LMBRD2: variants seen among roughly 807,000 people sequenced by gnomAD.
The protein encoded by LMBRD2 is LMBR1 domain containing 2.
Under a neutral mutation model 94.4 loss-of-function variants are expected in LMBRD2, and 55 were observed. That is an observed-to-expected ratio of 0.58 (90% CI 0.47 to 0.73). LMBRD2 has a LOEUF of 0.73. Among genes scored for constraint, LMBRD2 ranks in the 30% least tolerant of loss-of-function variants. The pLI is 0.00. For missense variants in LMBRD2, 640 were observed against 831.9 expected, an observed-to-expected ratio of 0.77 and a Z score of 2.84; for synonymous variants, 246 against 272.4, an observed-to-expected ratio of 0.90 and a Z score of 0.95.
intron 6 of LMBRD2, among the ~76,000 whole-genome samples, chr5:36,134,434 T>C (rs146147595): frequency 2.6e-5 from 4 of 152,282 alleles, no homozygotes; most frequent in Non-Finnish European, 4.4e-5. Flanking sequence ...TAACCTCCAG[T>C]ATCTTAACAT....
At chr5:36,128,447 T>A (rs1213570780) in intron 6 of LMBRD2, among the ~76,000 whole-genome samples, 1 of 152,120 alleles carries the variant, frequency 6.6e-6, no homozygotes, top group African/African-American at 2.4e-5. Context: ...CAGGGCCAAG[T>A]ACAGTGGCTC....
chr5:36,146,987 G>T (rs74599089), intron 1 of LMBRD2, among the ~76,000 whole-genome samples: 2,975 of 147,104 alleles, frequency 0.02, 101 homozygotes, highest in African/African-American at 0.071. Context: ...TGTGTCTGTG[G>T]TCCTGAATAT....
At chr5:36,130,340 T>A (rs1744123190) in intron 6 of LMBRD2, among the ~76,000 whole-genome samples, 1 of 152,120 alleles carries the variant, frequency 6.6e-6, no homozygotes, top group Non-Finnish European at 1.5e-5. Context: ...ATTTTTGCAA[T>A]CAATGTCAAG....
intron 1 of LMBRD2, among the ~76,000 whole-genome samples, chr5:36,145,888 T>C (rs1309351241): frequency 1.3e-5 from 2 of 152,172 alleles, no homozygotes; most frequent in Non-Finnish European, 2.9e-5. Context: ...CAATTGAAAA[T>C]TTGGCACATA....
At position 36,151,479 on chromosome 5, in the gene LMBRD2, C is replaced by T. The variant is rs1744710812; in HGVS notation, c.-58+77G>A. 6.6e-6 allele frequency: 1 copy of T among 152,294 alleles called. No individual in the cohort carries two copies. The highest frequency in any genetic ancestry group is 1.5e-5 in the Non-Finnish European group (1 of 68,116). 9.4% of individuals were successfully genotyped at this position (152,294 alleles called of 1,614,324 possible). ...TCCACAGACCCAATTCTTAGGGCCG[C>T]CTTCTCCCCGACGGAGGAAGAAGCT... On this transcript the variant is annotated intron_variant, in intron 1 of 17. Coordinates refer to ENST00000296603, the MANE Select transcript of LMBRD2 (RefSeq NM_001007527.2). The surrounding 1 kb of genome is among the most constrained non-coding windows in gnomAD (Gnocchi z 4.7).
In LMBRD2 at chr5:36,099,395, A is replaced by G. The variant is rs1486477594; in HGVS notation, c.*4651T>C. The G allele has an allele frequency of 1.3e-5, 2 of 152,162 alleles. No homozygotes were observed. The highest frequency in any genetic ancestry group is 2.9e-5 in the Non-Finnish European group (2 of 68,002). The allele number at this position is 152,162 out of a possible 1,614,324, so 9.4% of individuals were successfully genotyped here. A position where few individuals can be genotyped will look rare whatever the true frequency, so the allele number is the denominator to read the frequency against. On this transcript the variant is annotated 3_prime_UTR_variant, in exon 18 of 18. Coordinates refer to ENST00000296603, the MANE Select transcript of LMBRD2 (RefSeq NM_001007527.2). ...TTTTCTACCTTCTAAAATAAGAAAA[A>G]TCCTTCGAGTTGTTTTCAAAATATG...
chr5:36,141,585 GTT>G (rs60815164), intron 3 of LMBRD2, among the ~76,000 whole-genome samples: 3 of 143,696 alleles, frequency 2.1e-5, no homozygotes, highest in South Asian at 4.4e-4. Flanking sequence ...TATAGGTTGG[GTT>G]TTTTTTTTTT....
chr5:36,131,979 A>G (rs1377846566), intron 6 of LMBRD2, among the ~76,000 whole-genome samples: 1 of 152,204 alleles, frequency 6.6e-6, no homozygotes, highest in Non-Finnish European at 1.5e-5. Context: ...TAAAATTTAT[A>G]TGGAACCACA....
At chr5:36,135,570 T>C (rs1744251689) in intron 6 of LMBRD2, among the ~76,000 whole-genome samples, 2 of 152,176 alleles carry the variant, frequency 1.3e-5, no homozygotes, top group South Asian at 2.1e-4. Flanking sequence ...TTAAAACATT[T>C]TGGAGTTTAT....
intron 1 of LMBRD2, 145 bp from the exon 2 acceptor site, chr5:36,143,551 T>C: frequency 2.5e-6 from 1 of 396,490 alleles, no homozygotes; most frequent in Non-Finnish European, 4.5e-6. Context: ...TGAATAAGAT[T>C]AAAAGGGTAA....
intron 16 of LMBRD2, among the ~76,000 whole-genome samples, chr5:36,106,921 T>A (rs189136501): frequency 6.6e-6 from 1 of 152,168 alleles, no homozygotes; most frequent in Non-Finnish European, 1.5e-5. Context: ...GGTTCTCTCA[T>A]GCCACAACGT....
intron 6 of LMBRD2, among the ~76,000 whole-genome samples, chr5:36,126,169 T>C (rs1223364352): frequency 6.6e-6 from 1 of 152,222 alleles, no homozygotes; most frequent in African/African-American, 2.4e-5. Flanking sequence ...GGAAGCATCA[T>C]TACATCTATT....
chr5:36,111,083 A>G, intron 14 of LMBRD2, 72 bp downstream of exon 14: 1 of 889,756 alleles, frequency 1.1e-6, no homozygotes, highest in Admixed American at 2.8e-5. Context: ...AAACTACACA[A>G]ATATTAATTT....
chr5:36,143,783 T>G (rs1035496030), intron 1 of LMBRD2, among the ~76,000 whole-genome samples: 1 of 151,990 alleles, frequency 6.6e-6, no homozygotes, highest in African/African-American at 2.4e-5. Context: ...AGCTGTTAAC[T>G]AAATCCTAGG....
At chr5:36,137,583 T>C in intron 4 of LMBRD2, 142 bp from the exon 5 acceptor site, 1 of 498,728 alleles carries the variant, frequency 2.0e-6, no homozygotes, top group Non-Finnish European at 3.5e-6. Context: ...CATGAATACT[T>C]AATAACTATA....
rs1423047602 is a variant in LMBRD2, at chr5:36,112,201, G to A, written c.1641-943C>T. 3.3e-5 allele frequency among the ~76,000 whole-genome samples: 5 copies of A among 152,120 alleles called. No homozygotes were observed. In the East Asian group the frequency reaches 9.6e-4, roughly 29 times the overall value. On this transcript the variant is annotated intron_variant, in intron 13 of 17. Coordinates refer to ENST00000296603, the MANE Select transcript of LMBRD2 (RefSeq NM_001007527.2). ...TCATTCATATAAAAATGTTTTTTAT[G>A]CATTACCATTGGGTAAAATTGGGGT... is the stretch of plus-strand genomic sequence containing the variant.
At chr5:36,145,121 T>C (rs1242713170) in intron 1 of LMBRD2, among the ~76,000 whole-genome samples, 2 of 152,338 alleles carry the variant, frequency 1.3e-5, no homozygotes, top group African/African-American at 2.4e-5. Context: ...TTCCATACTA[T>C]ATTCCAGTTG....
intron 1 of LMBRD2, among the ~76,000 whole-genome samples, chr5:36,145,617 GT>G (rs143956970): frequency 4.6e-5 from 7 of 151,822 alleles, no homozygotes; most frequent in African/African-American, 1.2e-4. Flanking sequence ...GAGATCTAGG[GT>G]TTTTTTTCTT....
At position 36,144,211 on chromosome 5, in the gene LMBRD2, CTA is replaced by C. The variant is rs200199220; in HGVS notation, c.-57-807_-57-806del. Among the ~76,000 whole-genome samples, 856 of 152,214 alleles carry C rather than the reference CTA, an allele frequency of 5.6e-3. 7 individuals carry two copies. The highest frequency in any genetic ancestry group is 0.02 in the African/African-American group (810 of 41,536). ...GTTAGAGTATAGAGATTTAAAGTCT[CTA>C]TTTTAAAATTGAAAAATTTGATATC... On this transcript the variant is annotated intron_variant, in intron 1 of 17. Transcript: ENST00000296603.
Sources: gnomAD v4.1 joint callset for allele counts (sites outside exome capture counted in the v4.1 genomes callset) on GRCh38, gnomAD v4.1.1 for gene constraint, Gnocchi (gnomAD v3.1) non-coding constraint, MANE v1.5 for transcripts, NCBI Gene and HGNC (gene_info 2026-07-23, HGNC 2026-07-21) for gene names.